PCDHA3: variants seen among roughly 807,000 people sequenced by gnomAD.
PCDHA3 encodes the protein protocadherin alpha 3.
A neutral mutation model predicts 62.2 loss-of-function variants in PCDHA3; 41 were observed. That is an observed-to-expected ratio of 0.66 (90% CI 0.51 to 0.86). The LOEUF is 0.86. Among genes scored for constraint, PCDHA3 ranks in the 40% least tolerant of loss-of-function variants. The probability of loss-of-function intolerance (pLI) is 0.00; values close to 1 mark genes in which losing one functional copy is unlikely to be tolerated. For synonymous variants in PCDHA3, 640 were observed against 555.4 expected (o/e 1.15, Z -2.14); for missense variants, 1,304 against 1,241.2 (o/e 1.05, Z -0.76).
chr5:140,877,021 G>A, intron 1 of PCDHA3: 1 of 1,612,514 alleles, frequency 6.2e-7, no homozygotes, highest in Non-Finnish European at 8.5e-7. Context: ...GAGCGGCAAG[G>A]TGTACGCGCT....
intron 1 of PCDHA3, among the ~76,000 whole-genome samples, chr5:140,950,799 G>C (rs1218789077): frequency 5.3e-5 from 8 of 151,796 alleles, no homozygotes; most frequent in African/African-American, 1.7e-4. Flanking sequence ...ATATTGTCTG[G>C]TTTTACCATA....
rs2150120933 is a variant in PCDHA3, at chr5:140,822,977, A to G, written c.2394+19386A>G. On this transcript the variant is annotated intron_variant, in intron 1 of 3. Coordinates refer to ENST00000522353, the MANE Select transcript of PCDHA3 (RefSeq NM_018906.3). Reference sequence around the variant, plus strand: ...CCCTTCAAGCTGGTGTCCACCTTCAAGAATTACTACTCGTTGGTGCTGGAC... The same window carrying G: ...CCCTTCAAGCTGGTGTCCACCTTCAGGAATTACTACTCGTTGGTGCTGGAC... The G allele has an allele frequency of 1.4e-5, 22 of 1,614,094 alleles. No individual in the cohort carries two copies. Among genetic ancestry groups the G allele is most frequent in the South Asian group, 4.4e-5 (4 of 91,090 alleles).
chr5:140,849,692 C>T, intron 1 of PCDHA3: 2 of 1,598,700 alleles, frequency 1.3e-6, no homozygotes, highest in Non-Finnish European at 1.7e-6. Context: ...AGCTGGTGTC[C>T]ACCTACAAGA....
chr5:140,926,798 C>T (rs1584463033), intron 1 of PCDHA3: 2 of 1,455,342 alleles, frequency 1.4e-6, no homozygotes, highest in East Asian at 2.5e-5. Context: ...GGAGCGTGCT[C>T]TTCCCCGCGG....
intron 1 of PCDHA3, among the ~76,000 whole-genome samples, chr5:140,959,874 A>G (rs1360001985): frequency 1.3e-5 from 2 of 152,236 alleles, no homozygotes; most frequent in Non-Finnish European, 2.9e-5. Flanking sequence ...AAATCTGTCA[A>G]GGAATACACG....
chr5:140,822,949 G>A (rs782104734), intron 1 of PCDHA3: 3 of 1,614,228 alleles, frequency 1.9e-6, no homozygotes, highest in South Asian at 2.2e-5. Flanking sequence ...AATGCCCCAC[G>A]TTCCCTTCAA....
intron 1 of PCDHA3, among the ~76,000 whole-genome samples, chr5:140,935,894 CTTTTTTTT>C (rs55841305): frequency 1.5e-5 from 2 of 136,750 alleles, no homozygotes; most frequent in African/African-American, 5.4e-5. Context: ...TCAATATTAT[CTTTTTTTT>C]TTTTTTTTGA....
chr5:141,003,574 A>C (rs559561339), intron 3 of PCDHA3, among the ~76,000 whole-genome samples: 9 of 151,680 alleles, frequency 5.9e-5, no homozygotes, highest in African/African-American at 2.2e-4. Context: ...CAGACTCCCA[A>C]AGTGCTGGGA....
intron 1 of PCDHA3, among the ~76,000 whole-genome samples, chr5:140,937,638 CATGGTGG>C (rs1563162054): frequency 2.0e-5 from 3 of 150,048 alleles, no homozygotes; most frequent in South Asian, 4.2e-4. Flanking sequence ...AAAGGCAGGG[CATGGTGG>C]CTCACGCCTG....
rs545409584 is a variant in PCDHA3, at chr5:140,952,105, G to A, written c.2395-26844G>A. 3.3e-5 allele frequency among the ~76,000 whole-genome samples: 5 copies of A among 152,218 alleles called. 1 individual carries two copies. Among genetic ancestry groups the A allele is most frequent in the African/African-American group, 4.8e-5 (2 of 41,536 alleles). ...CATGTCTCACATCCAGGGCACACTC[G>A]TGTGAGGGATGGGCTCCCAAGGCCT... is the stretch of plus-strand genomic sequence containing the variant. On this transcript the variant is annotated intron_variant, in intron 1 of 3. Coordinates refer to ENST00000522353, the MANE Select transcript of PCDHA3 (RefSeq NM_018906.3).
intron 1 of PCDHA3, among the ~76,000 whole-genome samples, chr5:140,855,465 T>G (rs1363813881): frequency 2.0e-5 from 3 of 149,888 alleles, no homozygotes; most frequent in South Asian, 2.1e-4. Context: ...ACCTCACAGA[T>G]AGTTGATGCT....
intron 1 of PCDHA3, chr5:140,825,809 T>A (rs1318572939): frequency 6.6e-6 from 1 of 152,498 alleles, no homozygotes; most frequent in African/African-American, 2.4e-5. Flanking sequence ...TTACTGCTTG[T>A]TGTTACTTTT....
intron 1 of PCDHA3, among the ~76,000 whole-genome samples, chr5:140,914,261 T>G (rs1294037425): frequency 6.6e-6 from 1 of 152,202 alleles, no homozygotes; most frequent in Non-Finnish European, 1.5e-5. Context: ...GCTTCAATGG[T>G]GGGTGCATAT....
chr5:140,976,037 T>C (rs1466922826), intron 1 of PCDHA3, among the ~76,000 whole-genome samples: 1 of 152,200 alleles, frequency 6.6e-6, no homozygotes, highest in Non-Finnish European at 1.5e-5. Context: ...ATTTCAACTG[T>C]GATTGAAATT....
intron 1 of PCDHA3, among the ~76,000 whole-genome samples, chr5:140,839,079 C>T (rs1224426346): frequency 1.3e-5 from 2 of 151,864 alleles, no homozygotes; most frequent in African/African-American, 2.4e-5. Context: ...AGTCAAAAAC[C>T]TGTCTGATAA....
At chr5:140,922,289 G>C (rs1554200767) in intron 1 of PCDHA3, among the ~76,000 whole-genome samples, 1 of 152,222 alleles carries the variant, frequency 6.6e-6, no homozygotes, top group Non-Finnish European at 1.5e-5. Flanking sequence ...ATATGAAAAT[G>C]CTAGGAGAGG....
chr5:140,814,172 T>A (rs2126652493), intron 1 of PCDHA3: 1,547 of 152,634 alleles, frequency 0.01, 13 homozygotes, highest in Admixed American at 0.013. Context: ...TTTTACAAGT[T>A]TTTTTGACTT....
At chr5:140,991,320 A>G (rs1563572656) in intron 3 of PCDHA3, among the ~76,000 whole-genome samples, 1 of 152,216 alleles carries the variant, frequency 6.6e-6, no homozygotes, top group Non-Finnish European at 1.5e-5. Context: ...CGCATGATAC[A>G]TGAAGGGAAT....
chr5:140,841,884 A>G, intron 1 of PCDHA3: 1 of 1,613,846 alleles, frequency 6.2e-7, no homozygotes, highest in Non-Finnish European at 8.5e-7. Flanking sequence ...AAGAACGATG[A>G]GAATAAACTG....
Sources: gnomAD v4.1 joint callset for allele counts (sites outside exome capture counted in the v4.1 genomes callset) on GRCh38, gnomAD v4.1.1 for gene constraint, MANE v1.5 for transcripts, NCBI Gene and HGNC (gene_info 2026-07-23, HGNC 2026-07-21) for gene names.